DPYSL2: variants seen among roughly 807,000 people sequenced by gnomAD.
DPYSL2 encodes the protein dihydropyrimidinase-related protein 2.
Under a neutral mutation model 69.9 loss-of-function variants are expected in DPYSL2, and 13 were observed. The observed-to-expected ratio is 0.19, with a 90% CI of 0.12 to 0.30. The LOEUF is 0.30. DPYSL2 is among the 10% of genes least tolerant of loss of function. The pLI, the probability that DPYSL2 is intolerant of heterozygous loss-of-function variation, is 1.00. For missense variants in DPYSL2, 587 were observed against 918.9 expected, an observed-to-expected ratio of 0.64 and a Z score of 4.67; for synonymous variants, 326 against 359.1, an observed-to-expected ratio of 0.91 and a Z score of 1.04.
At chr8:26,556,354 A>ATATATATAGTATATATATATAGTG (rs796496998) in intron 1 of DPYSL2, among the ~76,000 whole-genome samples, 1 of 14,072 alleles carries the variant, frequency 7.1e-5, no homozygotes, top group Admixed American at 1.1e-3. Flanking sequence ...TATATATAGT[A>ATATATATAGTATATATATATAGTG]TATATATATA....
rs1248143377 is a variant in DPYSL2 at position 26,642,349 on chromosome 8, G to T, written c.1127-1090G>T. Among the ~76,000 whole-genome samples the T allele has an allele frequency of 6.6e-6, 1 of 152,218 alleles. No individual in the cohort carries two copies. Among genetic ancestry groups the T allele is most frequent in the Admixed American group, 6.5e-5 (1 of 15,282 alleles). Reference sequence around the variant, plus strand: ...TGGACGATGTTAAAGGAGGAGATCAGCTTCCAGTAGTGAAGAGCATCTGAT... The same window carrying T: ...TGGACGATGTTAAAGGAGGAGATCATCTTCCAGTAGTGAAGAGCATCTGAT... On this transcript the variant is annotated intron_variant, in intron 8 of 13. Coordinates refer to ENST00000521913, the MANE Select transcript of DPYSL2 (RefSeq NM_001197293.3). The surrounding 1 kb of genome is among the most constrained non-coding windows in gnomAD (Gnocchi z 5.3).
At chr8:26,547,416 G>C (rs1303606712) in intron 1 of DPYSL2, among the ~76,000 whole-genome samples, 1 of 151,650 alleles carries the variant, frequency 6.6e-6, no homozygotes, top group Non-Finnish European at 1.5e-5. Flanking sequence ...GCAAGATGCA[G>C]ATTCCTTTTA....
Position 26,642,717 on chromosome 8 carries a change from A to G in DPYSL2, c.1127-722A>G, listed in dbSNP as rs937253370. 6.6e-6 allele frequency: 1 copy of G among 152,256 alleles called. No homozygotes were observed. 9.4% of individuals were successfully genotyped at this position (152,256 alleles called of 1,614,324 possible). ...ACAGAGAAGAGGACATGATCTGAGC[A>G]TCAGGGAGTTGATGTTTGTCTTGGA... On this transcript the variant is annotated intron_variant, in intron 8 of 13. Transcript: ENST00000521913. The surrounding 1 kb of genome is among the most constrained non-coding windows in gnomAD (Gnocchi z 5.3).
intron 7 of DPYSL2, among the ~76,000 whole-genome samples, chr8:26,631,396 G>A (rs1306074755): frequency 6.6e-6 from 1 of 152,116 alleles, no homozygotes; most frequent in Non-Finnish European, 1.5e-5. Context: ...ATCAGATCTC[G>A]TGAGAACTCA....
At chr8:26,559,718 C>T (rs1308109204) in intron 1 of DPYSL2, among the ~76,000 whole-genome samples, 1 of 152,172 alleles carries the variant, frequency 6.6e-6, no homozygotes, top group Non-Finnish European at 1.5e-5. Flanking sequence ...TTATCGTCTA[C>T]TTTTAAATGT....
chr8:26,529,287 CT>C (rs1177146356), intron 1 of DPYSL2, among the ~76,000 whole-genome samples: 108 of 150,822 alleles, frequency 7.2e-4, no homozygotes, highest in East Asian at 2.1e-3. Context: ...ATCTATCTAT[CT>C]ATCTATCTAT....
At chr8:26,608,432 G>C (rs568714070) in intron 3 of DPYSL2, among the ~76,000 whole-genome samples, 1 of 152,274 alleles carries the variant, frequency 6.6e-6, no homozygotes, top group South Asian at 2.1e-4. Context: ...AAAAACAAAA[G>C]TTCCCTTTGA....
chr8:26,594,535 C>T (rs1279680683), intron 3 of DPYSL2, among the ~76,000 whole-genome samples: 1 of 152,102 alleles, frequency 6.6e-6, no homozygotes, highest in African/African-American at 2.4e-5. Flanking sequence ...CTATATCTAT[C>T]TTGATATGAC....
chr8:26,638,790 A>G (rs797002832), intron 8 of DPYSL2, among the ~76,000 whole-genome samples: 20 of 152,352 alleles, frequency 1.3e-4, no homozygotes, highest in African/African-American at 4.8e-4. Context: ...GCCCTGGTTC[A>G]TGTAGCCTGT....
Position 26,593,993 on chromosome 8 carries a change from G to A in DPYSL2, c.628+10010G>A, listed in dbSNP as rs1372074508. Among the ~76,000 whole-genome samples, 2 of 152,126 alleles carry A rather than the reference G, an allele frequency of 1.3e-5. No individual in the cohort carries two copies. The highest frequency in any genetic ancestry group is 6.6e-5 in the Admixed American group (1 of 15,264). ...AGCCATTCACCTCCTTCCCAGCCCCGCTCCCACAGCTGGGCACGGTTTATT... is the reference window on the plus strand; with the variant it reads ...AGCCATTCACCTCCTTCCCAGCCCCACTCCCACAGCTGGGCACGGTTTATT... On this transcript the variant is annotated intron_variant, in intron 3 of 13. Transcript: ENST00000521913. This position sits in a 1 kb window ranked among gnomAD's most constrained non-coding sequence, Gnocchi z 5.7.
At chr8:26,623,134 C>G (rs562529382) in intron 3 of DPYSL2, among the ~76,000 whole-genome samples, 1 of 152,282 alleles carries the variant, frequency 6.6e-6, no homozygotes, top group South Asian at 2.1e-4. Flanking sequence ...GAGATAATAG[C>G]AGGTGCAAAG....
rs183564526 is a variant in DPYSL2 at position 26,543,620 on chromosome 8, T to C, written c.354+28941T>C. ...CTCCTGCTTCAGCCTCCCAAGTAGC[T>C]GGGATTACAGGCATGTGCCACCACG... On this transcript the variant is annotated intron_variant, in intron 1 of 13. Coordinates refer to ENST00000521913, the MANE Select transcript of DPYSL2 (RefSeq NM_001197293.3). Among the ~76,000 whole-genome samples the C allele has an allele frequency of 1.2e-3, 188 of 152,176 alleles. 1 individual carries two copies. The highest frequency in any genetic ancestry group is 4.3e-3 in the African/African-American group (177 of 41,520).
At chr8:26,554,900 G>A (rs376477836) in intron 1 of DPYSL2, among the ~76,000 whole-genome samples, 52 of 152,084 alleles carry the variant, frequency 3.4e-4, no homozygotes, top group African/African-American at 1.2e-3. Context: ...ATGCAACAAT[G>A]TATACAAAGA....
At chr8:26,558,990 T>C (rs191045476) in intron 1 of DPYSL2, among the ~76,000 whole-genome samples, 25 of 152,352 alleles carry the variant, frequency 1.6e-4, no homozygotes, top group African/African-American at 5.0e-4. Flanking sequence ...TCTCCCAGAC[T>C]GGAGTGCAGT....
intron 1 of DPYSL2, among the ~76,000 whole-genome samples, chr8:26,554,626 A>T: frequency 6.6e-6 from 1 of 152,082 alleles, no homozygotes; most frequent in Non-Finnish European, 1.5e-5. Flanking sequence ...TATAGGTTGT[A>T]TTCCAGGGTT....
intron 1 of DPYSL2, among the ~76,000 whole-genome samples, chr8:26,538,616 G>A (rs1413272652): frequency 2.0e-5 from 3 of 152,172 alleles, no homozygotes; most frequent in African/African-American, 7.2e-5. Flanking sequence ...CCTTGAGGAA[G>A]GAGCTGCTAT....
At position 26,626,973 on chromosome 8, in the gene DPYSL2, G is replaced by T. The variant is rs937663184; in HGVS notation, c.856-242G>T. ...GTGCAGAGCCAGGTGTCACCCAAGA[G>T]CTTCTCACTCCCGGTCCACGTCCTG... On this transcript the variant is annotated intron_variant, in intron 5 of 13. Transcript: ENST00000521913. The surrounding 1 kb of genome is among the most constrained non-coding windows in gnomAD (Gnocchi z 4.3). Among the ~76,000 whole-genome samples the T allele has an allele frequency of 2.0e-5, 3 of 152,176 alleles. No homozygotes were observed. Among genetic ancestry groups the T allele is most frequent in the Non-Finnish European group, 4.4e-5 (3 of 68,036 alleles).
Position 26,655,802 on chromosome 8 carries a change from T to TG in DPYSL2, c.*96_*97insG. On this transcript the variant is annotated 3_prime_UTR_variant, in exon 14 of 14. Transcript: ENST00000521913. The stretch of plus-strand genomic sequence containing the variant: ...TCCTTCCTTTTTTTTTTTTTGTTTT[T>TG]TTTTTTAAGAGCCTGTGATAGTTAC... The TG allele has an allele frequency of 2.4e-6, 3 of 1,227,376 alleles. No homozygotes were observed. The highest frequency in any genetic ancestry group is 3.3e-6 in the Non-Finnish European group (3 of 913,760). The allele number at this position is 1,227,376 out of a possible 1,614,324, so 76.0% of individuals were successfully genotyped here.
rs1801898495 is a variant in DPYSL2, at chr8:26,597,773, C to G, written c.628+13790C>G. ...ACAGGCAAGAGCCACCGCACCTGGC[C>G]TCTTTTTTTTTTTTTTTTTTTTGAG... On this transcript the variant is annotated intron_variant, in intron 3 of 13. Transcript: ENST00000521913. The surrounding 1 kb of genome is among the most constrained non-coding windows in gnomAD (Gnocchi z 5.2). Among the ~76,000 whole-genome samples, 1 of 139,908 alleles carries G rather than the reference C, an allele frequency of 7.1e-6. No individual in the cohort carries two copies. The highest frequency in any genetic ancestry group is 7.8e-5 in the Admixed American group (1 of 12,764). 91.8% of individuals were successfully genotyped at this position (139,908 alleles called of 152,430 possible).
Sources: allele counts gnomAD v4.1 joint callset (sites outside exome capture counted in the v4.1 genomes callset), GRCh38; gene constraint gnomAD v4.1.1; non-coding constraint Gnocchi (gnomAD v3.1); transcripts MANE v1.5; gene names NCBI Gene and HGNC (gene_info 2026-07-23, HGNC 2026-07-21).